The following SEC62 variants were observed in gnomAD, a reference collection of about 807,000 sequenced individuals.
The protein encoded by SEC62 is translocation protein SEC62.
SEC62 carries 10 observed loss-of-function variants against 47.5 expected under a neutral mutation model. The observed-to-expected ratio is 0.21, with a 90% CI of 0.13 to 0.36. SEC62 has a LOEUF of 0.36. SEC62 is among the 10% of genes least tolerant of loss of function. The pLI is 1.00. For missense variants in SEC62, 327 were observed against 464.1 expected (o/e 0.70, Z 2.71); for synonymous variants, 136 against 150.5 (o/e 0.90, Z 0.71).
rs1418342363 is a variant in SEC62, at chr3:169,997,258, CTG to C, written c.*4196_*4197del. 6.6e-6 allele frequency: 1 copy of C among 152,122 alleles called. No homozygotes were observed. Among genetic ancestry groups the C allele is most frequent in the Non-Finnish European group, 1.5e-5 (1 of 68,036 alleles). The allele number at this position is 152,122 out of a possible 1,614,324, so 9.4% of individuals were successfully genotyped here. On this transcript the variant is annotated 3_prime_UTR_variant, in exon 8 of 8. Transcript: ENST00000337002. ...TTTTCCAATCAGACGAAATTTCAGT[CTG>C]AGAGAGGACATATTTTCTGAGGTTT...
chr3:169,980,736 C>T (rs1201479943), intron 3 of SEC62, among the ~76,000 whole-genome samples: 1 of 152,156 alleles, frequency 6.6e-6, no homozygotes, highest in East Asian at 1.9e-4. Flanking sequence ...ATCCAAATTA[C>T]TAATAATGTT....
In SEC62 at chr3:169,992,445, G is replaced by A. The variant is rs112967374; in HGVS notation, c.731-149G>A. 118 of 634,736 alleles carry A rather than the reference G, an allele frequency of 1.9e-4. No homozygotes were observed. The highest frequency in any genetic ancestry group is 1.8e-3 in the African/African-American group (97 of 54,430). 39.3% of individuals were successfully genotyped at this position (634,736 alleles called of 1,614,324 possible). On this transcript the variant is annotated intron_variant, in intron 7 of 7. Coordinates refer to ENST00000337002, the MANE Select transcript of SEC62 (RefSeq NM_003262.4). This position sits in a 1 kb window ranked among gnomAD's most constrained non-coding sequence, Gnocchi z 4.0. The stretch of plus-strand genomic sequence containing the variant: ...CTTGGATTAGAGGTTTAGCCACCAC[G>A]CCCAGCACTAATCAGGATTTAAATA...
At chr3:169,983,416 G>C (rs1715026720) in intron 5 of SEC62, 163 bp downstream of exon 5, 1 of 442,288 alleles carries the variant, frequency 2.3e-6, no homozygotes, top group Non-Finnish European at 4.1e-6. Flanking sequence ...CTCTTATTTA[G>C]ATTTTTAAAA....
intron 1 of SEC62, among the ~76,000 whole-genome samples, chr3:169,969,795 C>T (rs185143573): frequency 6.6e-6 from 1 of 152,342 alleles, no homozygotes; most frequent in East Asian, 1.9e-4. Context: ...AAAGACTTAA[C>T]ATGACTTGTC....
chr3:169,989,897 T>C (rs1295130937), intron 7 of SEC62, among the ~76,000 whole-genome samples: 2 of 149,894 alleles, frequency 1.3e-5, no homozygotes, highest in Non-Finnish European at 3.0e-5. Flanking sequence ...TAATTAGATA[T>C]TTCTTTTATA....
rs944503107 is a variant in SEC62 at position 169,992,386 on chromosome 3, C to G, written c.731-208C>G. On this transcript the variant is annotated intron_variant, in intron 7 of 7. Transcript: ENST00000337002. The surrounding 1 kb of genome is among the most constrained non-coding windows in gnomAD (Gnocchi z 4.0). ...GTGTAATTATAGCTCACTGCAGCCTCGAGCTCCTGGGCTCAAGTGATCCTC... is the reference window on the plus strand; with the variant it reads ...GTGTAATTATAGCTCACTGCAGCCTGGAGCTCCTGGGCTCAAGTGATCCTC... Among the ~76,000 whole-genome samples, 1 of 152,102 alleles carries G rather than the reference C, an allele frequency of 6.6e-6. No individual in the cohort carries two copies. The highest frequency in any genetic ancestry group is 6.6e-5 in the Admixed American group (1 of 15,250).
intron 7 of SEC62, among the ~76,000 whole-genome samples, chr3:169,991,020 G>GA (rs1207311007): frequency 6.6e-6 from 1 of 152,032 alleles, no homozygotes; most frequent in African/African-American, 2.4e-5. Flanking sequence ...TAAAAAACAG[G>GA]AAAAAATCAC....
Position 169,993,111 on chromosome 3 carries a change from T to C in SEC62, c.*48T>C. On this transcript the variant is annotated 3_prime_UTR_variant, in exon 8 of 8. Coordinates refer to ENST00000337002, the MANE Select transcript of SEC62 (RefSeq NM_003262.4). ...TGAATAAGTACAAGAGGTTGGATTT[T>C]CTATGTTGGCTGATTACCATATTGA... 2 of 1,375,064 alleles carry C rather than the reference T, an allele frequency of 1.5e-6. No homozygotes were observed. The highest frequency in any genetic ancestry group is 2.0e-6 in the Non-Finnish European group (2 of 1,019,076). 85.2% of individuals were successfully genotyped at this position (1,375,064 alleles called of 1,614,324 possible).
chr3:169,990,200 C>T (rs1715211990), intron 7 of SEC62, among the ~76,000 whole-genome samples: 1 of 151,700 alleles, frequency 6.6e-6, no homozygotes, highest in South Asian at 2.1e-4. Flanking sequence ...CTCCTGGGCT[C>T]AAGCAGCCCT....
chr3:169,970,494 G>T (rs1714672555), intron 1 of SEC62, among the ~76,000 whole-genome samples: 1 of 152,172 alleles, frequency 6.6e-6, no homozygotes, highest in Non-Finnish European at 1.5e-5. Context: ...TCTCAAAAAG[G>T]TTAAATATTG....
intron 3 of SEC62, 149 bp from the exon 4 acceptor site, chr3:169,982,558 G>A: frequency 2.3e-6 from 2 of 863,596 alleles, no homozygotes; most frequent in South Asian, 2.6e-5. Flanking sequence ...TGGTAGAGTT[G>A]ACTACTTTTT....
intron 7 of SEC62, among the ~76,000 whole-genome samples, chr3:169,991,856 C>A (rs1208448983): frequency 6.6e-6 from 1 of 152,118 alleles, no homozygotes; most frequent in Non-Finnish European, 1.5e-5. Context: ...ATTTTTATTT[C>A]TTTTAAATCA....
Position 169,988,221 on chromosome 3 carries a change from T to G in SEC62, c.611-19T>G. On this transcript the variant is annotated intron_variant, in intron 6 of 7. Coordinates refer to ENST00000337002, the MANE Select transcript of SEC62 (RefSeq NM_003262.4). Reference sequence around the variant, plus strand: ...AAGTTTTTATTCTAAAATTTAACTTTTGTCATTTCTTGTTCCAGTGATTGC... The same window carrying G: ...AAGTTTTTATTCTAAAATTTAACTTGTGTCATTTCTTGTTCCAGTGATTGC... The G allele has an allele frequency of 1.9e-6, 3 of 1,612,894 alleles. No individual in the cohort carries two copies. Among genetic ancestry groups the G allele is most frequent in the Non-Finnish European group, 2.5e-6 (3 of 1,179,114 alleles).
intron 7 of SEC62, among the ~76,000 whole-genome samples, chr3:169,990,035 T>C (rs1423980525): frequency 6.8e-6 from 1 of 148,062 alleles, no homozygotes; most frequent in Admixed American, 6.8e-5. Context: ...ATATATCATA[T>C]AATATATATC....
chr3:169,982,545 T>A (rs1345183649), intron 3 of SEC62, 162 bp from the exon 4 acceptor site: 11 of 747,802 alleles, frequency 1.5e-5, no homozygotes, highest in South Asian at 4.1e-5. Flanking sequence ...TGTTTTGATT[T>A]AGTGGTAGAG....
rs773848101 is a variant in SEC62, at chr3:169,993,023, A to G, written c.1160A>G (p.Asn387Ser). ...GDCEEDEEEE[N>S]DGETPKSSHE... ...TGTGAAGAGGATGAGGAAGAGGAAA[A>G]TGATGGAGAAACACCTAAATCTTCA... The change falls in exon 8 of 8, where the codon AAT (asparagine) becomes AGT (serine). Residue 387 changes from asparagine to serine, a missense_variant. Asn to Ser is a conservative substitution (Grantham distance 46). This residue lies in a region of SEC62 where 102 missense variants were observed against 108.8 expected (regional missense o/e 0.94). Transcript: ENST00000337002. 2 of 1,609,528 alleles carry G rather than the reference A, an allele frequency of 1.2e-6. No individual in the cohort carries two copies. Among genetic ancestry groups the G allele is most frequent in the South Asian group, 1.1e-5 (1 of 90,124 alleles).
intron 1 of SEC62, among the ~76,000 whole-genome samples, chr3:169,969,657 G>A (rs923457887): frequency 2.6e-5 from 4 of 152,136 alleles, no homozygotes; most frequent in African/African-American, 9.7e-5. Flanking sequence ...AATCAAGATA[G>A]TAAAACCAGA....
chr3:169,990,001 A>G (rs1324647706), intron 7 of SEC62, among the ~76,000 whole-genome samples: 3 of 97,278 alleles, frequency 3.1e-5, no homozygotes, highest in Non-Finnish European at 4.6e-5. Context: ...TAGATATATG[A>G]TATATCATAA....
chr3:169,990,041 A>G (rs1187111704), intron 7 of SEC62, among the ~76,000 whole-genome samples: 3 of 148,074 alleles, frequency 2.0e-5, no homozygotes, highest in African/African-American at 7.3e-5. Flanking sequence ...CATATAATAT[A>G]TATCATATGA....
Sources: allele counts gnomAD v4.1 joint callset (sites outside exome capture counted in the v4.1 genomes callset), GRCh38; gene constraint gnomAD v4.1.1; regional missense constraint gnomAD v4.1.1; non-coding constraint Gnocchi (gnomAD v3.1); transcripts MANE v1.5; gene names NCBI Gene and HGNC (gene_info 2026-07-23, HGNC 2026-07-21).